Variants in RORA observed in about 807,000 individuals in gnomAD.
RORA encodes the protein RAR related orphan receptor A.
A neutral mutation model predicts 69.5 loss-of-function variants in RORA; 7 were observed. The ratio of observed to expected loss-of-function variants is 0.10; its 90% confidence interval spans 0.06 to 0.19. The LOEUF (loss-of-function observed/expected upper bound fraction) is 0.19, where lower values mean the gene tolerates loss of function less well. RORA is among the 10% of genes least tolerant of loss of function. RORA has a pLI of 1.00. For missense variants in RORA, 457 were observed against 663.0 expected (o/e 0.69, Z 3.41); for synonymous variants, 261 against 240.8 (o/e 1.08, Z -0.78).
At chr15:61,087,156 CCAAAACAAAAA>C (rs1447433645) in intron 1 of RORA, among the ~76,000 whole-genome samples, 1 of 151,992 alleles carries the variant, frequency 6.6e-6, no homozygotes, top group Non-Finnish European at 1.5e-5. Flanking sequence ...GACCCTGTCT[CCAAAACAAAAA>C]CAAAACAAAA....
chr15:61,081,801 CTG>C (rs2078545547), intron 1 of RORA, among the ~76,000 whole-genome samples: 1 of 137,694 alleles, frequency 7.3e-6, no homozygotes, highest in South Asian at 2.3e-4. Flanking sequence ...GAGCAAGACT[CTG>C]TCTCAAAAAA....
intron 1 of RORA, among the ~76,000 whole-genome samples, chr15:61,141,813 G>T (rs1033030054): frequency 6.6e-6 from 1 of 152,168 alleles, no homozygotes; most frequent in Non-Finnish European, 1.5e-5. Context: ...CAAACAGGTC[G>T]ACTGCAGGAG....
At chr15:60,670,552 T>C (rs1196160170) in intron 2 of RORA, among the ~76,000 whole-genome samples, 1 of 152,110 alleles carries the variant, frequency 6.6e-6, no homozygotes, top group East Asian at 1.9e-4. Context: ...GGCTATTAAC[T>C]ATTTAAGACA....
chr15:60,600,415 G>A (rs1164892539), intron 2 of RORA, among the ~76,000 whole-genome samples: 1 of 152,194 alleles, frequency 6.6e-6, no homozygotes, highest in East Asian at 1.9e-4. Context: ...TGTGCCACAT[G>A]TCAATAGTGG....
intron 1 of RORA, among the ~76,000 whole-genome samples, chr15:60,788,845 T>C (rs1171157689): frequency 1.3e-5 from 2 of 152,234 alleles, no homozygotes; most frequent in Non-Finnish European, 2.9e-5. Context: ...TCTCTCTGCC[T>C]GTCTAATTAA....
intron 1 of RORA, among the ~76,000 whole-genome samples, chr15:60,849,643 A>G (rs2073303198): frequency 2.6e-5 from 4 of 152,254 alleles, no homozygotes; most frequent in Admixed American, 1.3e-4. Flanking sequence ...ACCAGCCTGC[A>G]AAACAACAGC....
Position 61,118,962 on chromosome 15 carries a change from G to A in RORA, c.166+110091C>T, listed in dbSNP as rs190939413. On this transcript the variant is annotated intron_variant, in intron 1 of 10. Coordinates refer to ENST00000335670, the MANE Select transcript of RORA (RefSeq NM_134261.3). ...GCGACCTATAATACTGACATCAAGC[G>A]CAAAAAGGAAACAAAAAGAAAATAA... is the stretch of plus-strand genomic sequence containing the variant. 1.2e-4 allele frequency among the ~76,000 whole-genome samples: 18 copies of A among 151,534 alleles called. No homozygotes were observed. In the East Asian group the frequency reaches 1.9e-3, roughly 16 times the overall value.
At chr15:60,824,012 GAATTATA>G (rs1482163474) in intron 1 of RORA, among the ~76,000 whole-genome samples, 1 of 152,132 alleles carries the variant, frequency 6.6e-6, no homozygotes, top group Non-Finnish European at 1.5e-5. Context: ...TATTGAAGTA[GAATTATA>G]AGAAGGATAA....
chr15:60,876,971 G>C (rs2073624047), intron 1 of RORA, among the ~76,000 whole-genome samples: 1 of 152,218 alleles, frequency 6.6e-6, no homozygotes, highest in South Asian at 2.1e-4. Flanking sequence ...AGGGTGGGAA[G>C]AGGGAGAGGA....
chr15:60,968,208 T>C (rs893625757), intron 1 of RORA, among the ~76,000 whole-genome samples: 6 of 152,214 alleles, frequency 3.9e-5, no homozygotes, highest in African/African-American at 9.6e-5. Flanking sequence ...CTCTAAGGTA[T>C]TGAGGGAGCC....
At chr15:61,093,557 A>T (rs1595978333) in intron 1 of RORA, among the ~76,000 whole-genome samples, 1 of 152,252 alleles carries the variant, frequency 6.6e-6, no homozygotes, top group South Asian at 2.1e-4. Flanking sequence ...GCAGAAAACC[A>T]TGCAGGAGAG....
At chr15:61,196,891 T>C (rs151199464) in intron 1 of RORA, among the ~76,000 whole-genome samples, 98 of 152,362 alleles carry the variant, frequency 6.4e-4, no homozygotes, top group Middle Eastern at 3.4e-3. Flanking sequence ...ATTAGCATGA[T>C]GTGAAAAGCA....
At chr15:60,908,255 C>A (rs547063136) in intron 1 of RORA, among the ~76,000 whole-genome samples, 3 of 152,156 alleles carry the variant, frequency 2.0e-5, no homozygotes, top group Non-Finnish European at 2.9e-5. Flanking sequence ...GTGGAGGGGG[C>A]GCTTTTGGTG....
chr15:60,843,077 G>A (rs1356436570), intron 1 of RORA, among the ~76,000 whole-genome samples: 1 of 152,010 alleles, frequency 6.6e-6, no homozygotes, highest in Non-Finnish European at 1.5e-5. Flanking sequence ...CCAAACCCAA[G>A]ATCTACTCAG....
At position 60,531,548 on chromosome 15, in the gene RORA, T is replaced by C. The variant is rs1021494063; in HGVS notation, c.282+218A>G. 4.4e-5 allele frequency: 21 copies of C among 477,418 alleles called. No homozygotes were observed. The highest frequency in any genetic ancestry group is 3.9e-4 in the African/African-American group (19 of 48,454). The allele number at this position is 477,418 out of a possible 1,614,324, so 29.6% of individuals were successfully genotyped here. ...AAGTGATAAACAAGCAATGCTCAAA[T>C]ACCTTTTTGTAATCTCCTATTATTT... On this transcript the variant is annotated intron_variant, in intron 3 of 10. Coordinates refer to ENST00000335670, the MANE Select transcript of RORA (RefSeq NM_134261.3). The surrounding 1 kb of genome is among the most constrained non-coding windows in gnomAD (Gnocchi z 4.8).
At chr15:61,038,192 C>A (rs762420067) in intron 1 of RORA, among the ~76,000 whole-genome samples, 3 of 152,132 alleles carry the variant, frequency 2.0e-5, no homozygotes, top group Non-Finnish European at 4.4e-5. Context: ...GGCAAGTTAT[C>A]GAACGTATTA....
chr15:60,733,914 C>CAGAG (rs58672002), intron 1 of RORA, among the ~76,000 whole-genome samples: 18,676 of 101,294 alleles, frequency 0.18, 1,564 homozygotes, highest in Non-Finnish European at 0.23. Flanking sequence ...AGAATAGGGG[C>CAGAG]AGAGAGAGAG....
At chr15:61,123,060 A>G (rs895716710) in intron 1 of RORA, among the ~76,000 whole-genome samples, 2 of 152,140 alleles carry the variant, frequency 1.3e-5, no homozygotes, top group Non-Finnish European at 2.9e-5. Flanking sequence ...TTGTTGCTTT[A>G]TCGCCCAGAG....
chr15:61,170,329 C>T (rs772776751), intron 1 of RORA, among the ~76,000 whole-genome samples: 9 of 152,198 alleles, frequency 5.9e-5, no homozygotes, highest in Middle Eastern at 3.2e-3. Flanking sequence ...ATTCTCTTTG[C>T]CCTTTCTTCC....
Sources: allele counts gnomAD v4.1 joint callset (sites outside exome capture counted in the v4.1 genomes callset), GRCh38; gene constraint gnomAD v4.1.1; non-coding constraint Gnocchi (gnomAD v3.1); transcripts MANE v1.5; gene names NCBI Gene and HGNC (gene_info 2026-07-23, HGNC 2026-07-21).